Variants in TMEM117 observed in about 807,000 individuals in gnomAD.
The protein encoded by TMEM117 is transmembrane protein 117.
In TMEM117, 27 loss-of-function variants were observed where a neutral mutation model predicts 52.4. That is an observed-to-expected ratio of 0.51 (90% confidence interval 0.38 to 0.71). TMEM117 has a LOEUF of 0.71. Among genes scored for constraint, TMEM117 ranks in the 30% least tolerant of loss-of-function variants. The pLI, the probability that TMEM117 is intolerant of heterozygous loss-of-function variation, is 0.00. For synonymous variants in TMEM117, 215 were observed against 206.3 expected (o/e 1.04, Z -0.36); for missense variants, 556 against 630.5 (o/e 0.88, Z 1.26).
intron 2 of TMEM117, among the ~76,000 whole-genome samples, chr12:43,908,760 T>A (rs1045695964): frequency 3.3e-5 from 5 of 151,662 alleles, no homozygotes; most frequent in African/African-American, 9.7e-5. Flanking sequence ...AGGCCATTAC[T>A]TAATGGTAAA....
At chr12:44,134,794 A>C (rs1948465427) in intron 3 of TMEM117, among the ~76,000 whole-genome samples, 1 of 152,072 alleles carries the variant, frequency 6.6e-6, no homozygotes, top group Non-Finnish European at 1.5e-5. Context: ...CTGGGTGAAT[A>C]TTTACAATGC....
At chr12:44,196,517 A>G (rs1027032752) in intron 4 of TMEM117, among the ~76,000 whole-genome samples, 2 of 152,226 alleles carry the variant, frequency 1.3e-5, no homozygotes. Flanking sequence ...TACATCGGAT[A>G]TATTAACAAA....
chr12:44,100,954 AT>A (rs1412001485), intron 3 of TMEM117, among the ~76,000 whole-genome samples: 1 of 151,878 alleles, frequency 6.6e-6, no homozygotes. Context: ...ATAGAAATTT[AT>A]TTCTCACAGT....
intron 5 of TMEM117, among the ~76,000 whole-genome samples, chr12:44,295,564 T>C (rs1950757538): frequency 6.6e-6 from 1 of 152,152 alleles, no homozygotes; most frequent in Non-Finnish European, 1.5e-5. Context: ...GCTAATTTCA[T>C]GTGACCTGTC....
intron 5 of TMEM117, among the ~76,000 whole-genome samples, chr12:44,290,880 C>T (rs1950695384): frequency 1.3e-5 from 2 of 152,158 alleles, no homozygotes; most frequent in African/African-American, 2.4e-5. Context: ...ATCTCAAGAT[C>T]CTCCTACCTT....
chr12:44,280,928 A>AT (rs1317560038), intron 5 of TMEM117, among the ~76,000 whole-genome samples: 1 of 149,460 alleles, frequency 6.7e-6, no homozygotes, highest in Non-Finnish European at 1.5e-5. Flanking sequence ...TCAATTCTTA[A>AT]TTCAGTCAAA....
intron 3 of TMEM117, among the ~76,000 whole-genome samples, chr12:44,066,841 A>G (rs1947228167): frequency 6.6e-6 from 1 of 152,198 alleles, no homozygotes; most frequent in Admixed American, 6.5e-5. Flanking sequence ...AGTTTGCTGC[A>G]TCAATTGACG....
At position 44,358,155 on chromosome 12, in the gene TMEM117, G is replaced by A. The variant is rs180796047; in HGVS notation, c.769-18440G>A. Among the ~76,000 whole-genome samples, 278 of 152,114 alleles carry A rather than the reference G, an allele frequency of 1.8e-3. 3 individuals are homozygous for A. The highest frequency in any genetic ancestry group is 6.0e-3 in the African/African-American group (251 of 41,520). On this transcript the variant is annotated intron_variant, in intron 6 of 7. Coordinates refer to ENST00000266534, the MANE Select transcript of TMEM117 (RefSeq NM_032256.3). ...GGGACATAAAGCAACAAAAGACACT[G>A]TGGATTCCTAGAGGCAGGGAGGGAG...
intron 3 of TMEM117, among the ~76,000 whole-genome samples, chr12:44,028,746 C>T (rs73087700): frequency 0.16 from 24,245 of 152,206 alleles, 2,904 homozygotes; most frequent in African/African-American, 0.34. Flanking sequence ...GCTTTGCCTA[C>T]GGAGTAGTCA....
At chr12:43,801,316 T>C in the TMEM117 span, among the ~76,000 whole-genome samples, 1 of 152,186 alleles carries the variant, frequency 6.6e-6, no homozygotes, top group Non-Finnish European at 1.5e-5. Context: ...GGAAAGCTAC[T>C]AAAGATAACT....
chr12:43,935,609 A>C (rs1410258165), intron 2 of TMEM117, among the ~76,000 whole-genome samples: 1 of 152,232 alleles, frequency 6.6e-6, no homozygotes, highest in East Asian at 1.9e-4. Context: ...ATTTTGAGCT[A>C]ATCTCTCACT....
chr12:44,059,239 G>A (rs1325672360), intron 3 of TMEM117, among the ~76,000 whole-genome samples: 4 of 152,114 alleles, frequency 2.6e-5, no homozygotes, highest in African/African-American at 4.8e-5. Flanking sequence ...GACCCCTGAT[G>A]TATGGTTTAG....
intron 2 of TMEM117, among the ~76,000 whole-genome samples, chr12:43,940,296 C>G (rs1360644048): frequency 1.3e-5 from 2 of 152,200 alleles, no homozygotes; most frequent in Non-Finnish European, 2.9e-5. Flanking sequence ...TTCTCCTTCT[C>G]CTCTGAGACT....
chr12:44,185,339 A>T (rs758473240), intron 4 of TMEM117, among the ~76,000 whole-genome samples: 10 of 152,180 alleles, frequency 6.6e-5, no homozygotes, highest in African/African-American at 2.2e-4. Context: ...CGAAAATTAG[A>T]TAAAGATTTT....
Position 44,190,844 on chromosome 12 carries a change from G to A in TMEM117, c.511-20446G>A, listed in dbSNP as rs1949341941. On this transcript the variant is annotated intron_variant, in intron 4 of 7. Coordinates refer to ENST00000266534, the MANE Select transcript of TMEM117 (RefSeq NM_032256.3). ...AAGTTTTACTTGATAAACTGTATAT[G>A]TGCACTCTCTCTCTATATATAGAGA... Among the ~76,000 whole-genome samples, 4 of 149,326 alleles carry A rather than the reference G, an allele frequency of 2.7e-5. No homozygotes were observed. The South Asian group carries it at 8.4e-4, about 31-fold the overall frequency.
At chr12:44,022,903 G>A (rs1191115820) in intron 3 of TMEM117, among the ~76,000 whole-genome samples, 2 of 152,124 alleles carry the variant, frequency 1.3e-5, no homozygotes, top group African/African-American at 4.8e-5. Context: ...CCAGACAGTG[G>A]ATTACATCAA....
chr12:44,135,662 G>A (rs937398722), intron 3 of TMEM117, among the ~76,000 whole-genome samples: 1 of 152,078 alleles, frequency 6.6e-6, no homozygotes, highest in Non-Finnish European at 1.5e-5. Context: ...AGGAGGAGGA[G>A]AGAGAAGAGA....
chr12:43,998,248 T>C (rs1333200447), intron 3 of TMEM117, among the ~76,000 whole-genome samples: 1 of 152,164 alleles, frequency 6.6e-6, no homozygotes, highest in Non-Finnish European at 1.5e-5. Flanking sequence ...ATCCAGACAT[T>C]GGTAGAGGGA....
chr12:44,055,674 A>T (rs905540920), intron 3 of TMEM117, among the ~76,000 whole-genome samples: 5 of 152,150 alleles, frequency 3.3e-5, no homozygotes, highest in African/African-American at 4.8e-5. Context: ...GTTAAAATCA[A>T]GATTAAATTA....
Sources: allele counts gnomAD v4.1 joint callset (sites outside exome capture counted in the v4.1 genomes callset), GRCh38; gene constraint gnomAD v4.1.1; transcripts MANE v1.5; gene names NCBI Gene and HGNC (gene_info 2026-07-23, HGNC 2026-07-21).